SUSD5: variants seen among roughly 807,000 people sequenced by gnomAD.
SUSD5 encodes the protein sushi domain-containing protein 5.
In SUSD5, 33 loss-of-function variants were observed where a neutral mutation model predicts 29.5. The observed-to-expected ratio is 1.12, with a 90% CI of 0.85 to 1.49. The LOEUF (loss-of-function observed/expected upper bound fraction) is 1.49, where lower values mean the gene tolerates loss of function less well. Ranked by LOEUF, SUSD5 falls within the 40% of genes most tolerant of loss-of-function variation. SUSD5 has a pLI of 0.00. For synonymous variants in SUSD5, 308 were observed against 325.3 expected (o/e 0.95, Z 0.57); for missense variants, 776 against 800.6 (o/e 0.97, Z 0.37).
At chr3:33,206,445 GTGTGTGTA>G (rs900267436) in intron 3 of SUSD5, among the ~76,000 whole-genome samples, 29 of 136,190 alleles carry the variant, frequency 2.1e-4, no homozygotes, top group African/African-American at 8.4e-4. Context: ...GTGTGTGTGT[GTGTGTGTA>G]TGTGTTTTAA....
chr3:33,206,599 C>T (rs1482386073), intron 3 of SUSD5, among the ~76,000 whole-genome samples: 1 of 152,038 alleles, frequency 6.6e-6, no homozygotes, highest in Non-Finnish European at 1.5e-5. Flanking sequence ...AGATGCAGAG[C>T]CCTTCCTAGA....
Position 33,218,686 on chromosome 3 carries a change from C to A in SUSD5, c.112G>T (p.Gly38Ter). 7.7e-7 allele frequency: 1 copy of A among 1,303,994 alleles called. No homozygotes were observed. The highest frequency in any genetic ancestry group is 2.1e-5 in the South Asian group (1 of 46,604). The allele number at this position is 1,303,994 out of a possible 1,614,324, so 80.8% of individuals were successfully genotyped here. A position where few individuals can be genotyped will look rare whatever the true frequency, so the allele number is the denominator to read the frequency against. The change falls in exon 1 of 5, where the codon GGA becomes TGA. Residue 38 changes from glycine (G) to a stop codon, truncating the protein, a stop_gained and splice_region_variant. Coordinates refer to ENST00000309558, the MANE Select transcript of SUSD5 (RefSeq NM_015551.2). LOFTEE classifies it high-confidence loss of function. ...GCCCCGCCGCCTCCCGCACACTCAC[C>A]ATCCGCCCGCACCGAAAGGCGCGGC... Reference protein sequence around the residue: ...GLPRLSVRADGKFFVLESQNG... With the variant: ...GLPRLSVRAD
intron 3 of SUSD5, among the ~76,000 whole-genome samples, chr3:33,179,056 C>T (rs1394685213): frequency 6.6e-6 from 1 of 152,174 alleles, no homozygotes; most frequent in Non-Finnish European, 1.5e-5. Flanking sequence ...CTAGTGAACG[C>T]TCTGGGCTTG....
intron 4 of SUSD5, among the ~76,000 whole-genome samples, chr3:33,165,893 G>A (rs1033736559): frequency 1.3e-5 from 2 of 151,958 alleles, no homozygotes; most frequent in African/African-American, 4.8e-5. Flanking sequence ...CTACAATCCT[G>A]GCACTTCGGG....
chr3:33,159,179 C>T (rs1473725193), intron 4 of SUSD5, among the ~76,000 whole-genome samples: 2 of 152,190 alleles, frequency 1.3e-5, no homozygotes, highest in Non-Finnish European at 1.5e-5. Flanking sequence ...GGCAGGCTGT[C>T]GGTGTCAAGG....
intron 4 of SUSD5, among the ~76,000 whole-genome samples, chr3:33,172,217 ACACACTC>A (rs1487714311): frequency 8.0e-5 from 10 of 124,376 alleles, no homozygotes; most frequent in Admixed American, 4.2e-4. Flanking sequence ...ACACACACAC[ACACACTC>A]TTCTTACAAG....
At position 33,204,067 on chromosome 3, in the gene SUSD5, C is replaced by A. The variant is rs1007901316; in HGVS notation, c.409+3741G>T. On this transcript the variant is annotated intron_variant, in intron 3 of 4. Coordinates refer to ENST00000309558, the MANE Select transcript of SUSD5 (RefSeq NM_015551.2). The surrounding 1 kb of genome is among the most constrained non-coding windows in gnomAD (Gnocchi z 4.5). ...GTAGCTGGGAATACAGGGTGCGCCA[C>A]CATGCCTGGCTAATTTTTTTTATTT... is the stretch of plus-strand genomic sequence containing the variant. Among the ~76,000 whole-genome samples the A allele has an allele frequency of 4.0e-5, 6 of 151,788 alleles. No individual in the cohort carries two copies. Among genetic ancestry groups the A allele is most frequent in the African/African-American group, 9.7e-5 (4 of 41,304 alleles).
chr3:33,218,654 A>C (rs1044318826), intron 1 of SUSD5, 32 bp downstream of exon 1: 19 of 1,075,380 alleles, frequency 1.8e-5, no homozygotes, highest in Non-Finnish European at 2.2e-5. Context: ...CCCACGCTCC[A>C]CCCCCCGCCC....
chr3:33,172,184 C>CACAA (rs2031440912), intron 4 of SUSD5, among the ~76,000 whole-genome samples: 1 of 12,774 alleles, frequency 7.8e-5, no homozygotes, highest in African/African-American at 4.5e-4. Context: ...TTGTAAAACA[C>CACAA]ACACACACAC....
In SUSD5 at chr3:33,210,287, C is replaced by T. The variant is rs549066813; in HGVS notation, c.291-2361G>A. On this transcript the variant is annotated intron_variant, in intron 2 of 4. Coordinates refer to ENST00000309558, the MANE Select transcript of SUSD5 (RefSeq NM_015551.2). ...TGCTTCTCCTAGGAGGGCCTGCGAACAGTTCACTGTACAGTGTACTGTGTC... is the reference window on the plus strand; with the variant it reads ...TGCTTCTCCTAGGAGGGCCTGCGAATAGTTCACTGTACAGTGTACTGTGTC... 5.9e-5 allele frequency among the ~76,000 whole-genome samples: 9 copies of T among 152,308 alleles called. No individual in the cohort carries two copies. In the East Asian group the frequency reaches 1.7e-3, roughly 29 times the overall value.
intron 3 of SUSD5, among the ~76,000 whole-genome samples, chr3:33,180,292 C>T (rs2031640725): frequency 6.6e-6 from 1 of 152,130 alleles, no homozygotes; most frequent in African/African-American, 2.4e-5. Context: ...ATTGGTGATC[C>T]TAACCCTGTG....
intron 4 of SUSD5, among the ~76,000 whole-genome samples, chr3:33,171,433 TTAAA>T (rs1237717529): frequency 2.0e-5 from 3 of 152,102 alleles, no homozygotes; most frequent in South Asian, 2.1e-4. Context: ...CTGTCATTGT[TTAAA>T]TAAGCTGAAA....
intron 3 of SUSD5, among the ~76,000 whole-genome samples, chr3:33,176,681 A>G (rs1575533743): frequency 1.3e-5 from 2 of 152,302 alleles, no homozygotes. Flanking sequence ...ACCCAAGGTC[A>G]TTTAGGTTTT....
intron 3 of SUSD5, among the ~76,000 whole-genome samples, chr3:33,194,573 T>C (rs562866338): frequency 1.3e-5 from 2 of 152,306 alleles, no homozygotes; most frequent in South Asian, 4.1e-4. Context: ...GGTCAAGTAC[T>C]TAAAGCTTCA....
intron 3 of SUSD5, among the ~76,000 whole-genome samples, chr3:33,178,856 T>C (rs747385881): frequency 6.6e-5 from 10 of 152,328 alleles, no homozygotes; most frequent in African/African-American, 2.2e-4. Flanking sequence ...TTGTAGAAAA[T>C]TGGCATAATT....
In SUSD5 at chr3:33,150,243, T is replaced by G. The variant is rs948999037; in HGVS notation, c.*2499A>C. On this transcript the variant is annotated 3_prime_UTR_variant, in exon 5 of 5. Transcript: ENST00000309558. ...ATTAATTTAGAGGATACCACACCAA[T>G]AAGAACTTAAAAACTGATGTGTTGG... 1 of 152,154 alleles carries G rather than the reference T, an allele frequency of 6.6e-6. No homozygotes were observed. Among genetic ancestry groups the G allele is most frequent in the African/African-American group, 2.4e-5 (1 of 41,444 alleles). The allele number at this position is 152,154 out of a possible 1,614,324, so 9.4% of individuals were successfully genotyped here. A position where few individuals can be genotyped will look rare whatever the true frequency, so the allele number is the denominator to read the frequency against.
In SUSD5 at chr3:33,177,786, TA is replaced by T. The variant is rs1243299862; in HGVS notation, c.410-2713del. 2.0e-5 allele frequency among the ~76,000 whole-genome samples: 3 copies of T among 152,306 alleles called. No individual in the cohort carries two copies. The East Asian group carries it at 5.8e-4, about 29-fold the overall frequency. ...GCAATCCTGCTATAATTGCTTTTTT[TA>T]AAAAAATTATACTTTAAGTTCTGGG... On this transcript the variant is annotated intron_variant, in intron 3 of 4. Coordinates refer to ENST00000309558, the MANE Select transcript of SUSD5 (RefSeq NM_015551.2).
At chr3:33,206,442 T>C (rs1326252704) in intron 3 of SUSD5, among the ~76,000 whole-genome samples, 1 of 148,854 alleles carries the variant, frequency 6.7e-6, no homozygotes, top group Non-Finnish European at 1.5e-5. Context: ...TGTGTGTGTG[T>C]GTGTGTGTGT....
chr3:33,202,816 A>G (rs1043699381), intron 3 of SUSD5, among the ~76,000 whole-genome samples: 3 of 152,246 alleles, frequency 2.0e-5, no homozygotes, highest in African/African-American at 7.2e-5. Flanking sequence ...AAGGAAAATG[A>G]GAAAAGTCTA....
Sources: gnomAD v4.1 joint callset for allele counts (sites outside exome capture counted in the v4.1 genomes callset) on GRCh38, gnomAD v4.1.1 for gene constraint, Gnocchi (gnomAD v3.1) non-coding constraint, MANE v1.5 for transcripts, NCBI Gene and HGNC (gene_info 2026-07-23, HGNC 2026-07-21) for gene names.